Variants in SLC25A48 observed in about 807,000 individuals in gnomAD.
SLC25A48 encodes the protein solute carrier family 25 member 48.
SLC25A48 carries 29 observed loss-of-function variants against 32.2 expected under a neutral mutation model. The observed-to-expected ratio is 0.90, with a 90% confidence interval of 0.67 to 1.23. SLC25A48 has a LOEUF of 1.23. SLC25A48 is among the 50% of genes most tolerant of loss of function. SLC25A48 has a pLI of 0.00. For synonymous variants in SLC25A48, 164 were observed against 172.3 expected, an observed-to-expected ratio of 0.95 and a Z score of 0.38; for missense variants, 399 against 422.7, an observed-to-expected ratio of 0.94 and a Z score of 0.49.
At chr5:135,633,672 A>G (rs1173112791) in intron 2 of SLC25A48, among the ~76,000 whole-genome samples, 3 of 152,062 alleles carry the variant, frequency 2.0e-5, no homozygotes, top group African/African-American at 4.8e-5. Flanking sequence ...AGATGTGAGG[A>G]TGATCTAATA....
chr5:135,724,570 C>T (rs983238144), intron 3 of SLC25A48, among the ~76,000 whole-genome samples: 6 of 152,226 alleles, frequency 3.9e-5, no homozygotes, highest in Admixed American at 3.3e-4. Context: ...CTGGACAGGA[C>T]AGTGTGTGCC....
At chr5:135,781,647 G>A (rs1375297705) in intron 3 of SLC25A48, among the ~76,000 whole-genome samples, 3 of 115,784 alleles carry the variant, frequency 2.6e-5, no homozygotes, top group African/African-American at 7.8e-5. Context: ...ATTCAATATC[G>A]CAGTGGGTGT....
chr5:135,669,203 T>G (rs1753595238), intron 3 of SLC25A48, among the ~76,000 whole-genome samples: 1 of 152,124 alleles, frequency 6.6e-6, no homozygotes, highest in South Asian at 2.1e-4. Context: ...ACCTATCTGA[T>G]ATCTAAATCC....
chr5:135,838,444 A>C (rs992034303), intron 1 of SLC25A48, among the ~76,000 whole-genome samples: 6 of 152,254 alleles, frequency 3.9e-5, no homozygotes, highest in Non-Finnish European at 7.3e-5. Flanking sequence ...CTGCTGCAGA[A>C]ATTTGCATAA....
chr5:135,594,647 G>C (rs1329028799), intron 1 of SLC25A48, among the ~76,000 whole-genome samples: 1 of 152,164 alleles, frequency 6.6e-6, no homozygotes, highest in Non-Finnish European at 1.5e-5. Flanking sequence ...TCTTCCTCTT[G>C]GTTGGCCCCC....
chr5:135,795,271 A>T (rs1757140283), intron 3 of SLC25A48, among the ~76,000 whole-genome samples: 1 of 151,796 alleles, frequency 6.6e-6, no homozygotes, highest in Non-Finnish European at 1.5e-5. Flanking sequence ...CCACCTTGTG[A>T]TATTGTTCTT....
chr5:135,601,805 C>T (rs540487995), intron 1 of SLC25A48, among the ~76,000 whole-genome samples: 59 of 152,230 alleles, frequency 3.9e-4, no homozygotes, highest in Non-Finnish European at 6.0e-4. Context: ...GGGGAGGTCA[C>T]GTGTGCAAGC....
chr5:135,855,152 A>G (rs747870988), intron 4 of SLC25A48, among the ~76,000 whole-genome samples: 24 of 152,232 alleles, frequency 1.6e-4, no homozygotes, highest in Admixed American at 3.3e-4. Context: ...AATGATTATG[A>G]CAAGGTTGAA....
intron 4 of SLC25A48, among the ~76,000 whole-genome samples, chr5:135,857,626 A>G (rs1212286607): frequency 6.6e-6 from 1 of 152,240 alleles, no homozygotes; most frequent in African/African-American, 2.4e-5. Context: ...TGTCTCTGTT[A>G]CAGTGTGGCA....
chr5:135,637,352 T>C (rs1031732843), intron 3 of SLC25A48, among the ~76,000 whole-genome samples: 1 of 152,120 alleles, frequency 6.6e-6, no homozygotes, highest in African/African-American at 2.4e-5. Flanking sequence ...TTCTCTCTCC[T>C]CTTCTTCCCC....
At chr5:135,663,019 C>T (rs1193381820) in intron 3 of SLC25A48, among the ~76,000 whole-genome samples, 2 of 152,158 alleles carry the variant, frequency 1.3e-5, no homozygotes, top group Non-Finnish European at 2.9e-5. Context: ...TGTGTTTCTC[C>T]CTAAAGCTGA....
At chr5:135,689,607 C>T (rs1340923743) in intron 3 of SLC25A48, among the ~76,000 whole-genome samples, 1 of 152,206 alleles carries the variant, frequency 6.6e-6, no homozygotes, top group Admixed American at 6.5e-5. Flanking sequence ...GCATTTGGAT[C>T]TACACAGATT....
At chr5:135,721,271 G>C (rs1459657758) in intron 3 of SLC25A48, among the ~76,000 whole-genome samples, 1 of 131,064 alleles carries the variant, frequency 7.6e-6, no homozygotes, top group Non-Finnish European at 1.5e-5. Context: ...GCGTGATCTT[G>C]GCTCACTGAA....
chr5:135,791,923 A>G (rs1370229007), intron 3 of SLC25A48, among the ~76,000 whole-genome samples: 5 of 151,748 alleles, frequency 3.3e-5, no homozygotes, highest in African/African-American at 1.2e-4. Context: ...TAATATCCTA[A>G]GAAGATATTA....
chr5:135,830,148 C>G (rs1384268409), upstream of SLC25A48, among the ~76,000 whole-genome samples: 2 of 152,170 alleles, frequency 1.3e-5, no homozygotes, highest in Non-Finnish European at 2.9e-5. Flanking sequence ...ATCTCCTCCA[C>G]GGCCCACACA....
At chr5:135,742,472 T>C in intron 3 of SLC25A48, 15 of 1,562,262 alleles carry the variant, frequency 9.6e-6, no homozygotes, top group Non-Finnish European at 1.3e-5. Flanking sequence ...GTTTTCATCC[T>C]CTGCTAGGCC....
chr5:135,670,538 C>T (rs562337605), intron 3 of SLC25A48, among the ~76,000 whole-genome samples: 1 of 152,278 alleles, frequency 6.6e-6, no homozygotes, highest in East Asian at 1.9e-4. Context: ...AACCACTTAA[C>T]CATTTTGAGC....
At chr5:135,785,083 G>A (rs934475547) in intron 3 of SLC25A48, among the ~76,000 whole-genome samples, 5 of 152,118 alleles carry the variant, frequency 3.3e-5, no homozygotes, top group Non-Finnish European at 7.4e-5. Context: ...TAAGGTTTGT[G>A]TTATACAGAG....
At chr5:135,623,191 A>T (rs1184878261) in intron 1 of SLC25A48, among the ~76,000 whole-genome samples, 1 of 152,092 alleles carries the variant, frequency 6.6e-6, no homozygotes, top group Non-Finnish European at 1.5e-5. Flanking sequence ...TAGTATAAAG[A>T]CTCTAGTATG....
Sources: allele counts gnomAD v4.1 joint callset (sites outside exome capture counted in the v4.1 genomes callset), GRCh38; gene constraint gnomAD v4.1.1; transcripts MANE v1.5; gene names NCBI Gene and HGNC (gene_info 2026-07-23, HGNC 2026-07-21).